Variants in GRID2 observed in about 807,000 individuals in gnomAD.
GRID2 encodes glutamate ionotropic receptor delta type subunit 2.
In GRID2, 33 loss-of-function variants were observed where a neutral mutation model predicts 114.8. The observed-to-expected ratio is 0.29, with a 90% CI of 0.22 to 0.38. GRID2 has a LOEUF of 0.38. GRID2 is among the 10% of genes least tolerant of loss of function. The pLI is 1.00. For missense variants in GRID2, 1,184 were observed against 1,257.7 expected (o/e 0.94, Z 0.89); for synonymous variants, 505 against 449.9 (o/e 1.12, Z -1.55).
At chr4:93,021,694 T>C (rs1723349297) in intron 2 of GRID2, among the ~76,000 whole-genome samples, 1 of 145,416 alleles carries the variant, frequency 6.9e-6, no homozygotes, top group Non-Finnish European at 1.5e-5. Context: ...TTATAATATG[T>C]ATATTATGAA....
intron 2 of GRID2, among the ~76,000 whole-genome samples, chr4:92,951,513 T>C (rs907950198): frequency 1.3e-5 from 2 of 151,974 alleles, no homozygotes; most frequent in Non-Finnish European, 2.9e-5. Context: ...GCTAATTTTT[T>C]TGTATTTTTT....
At chr4:93,514,959 G>C (rs909740950) in intron 12 of GRID2, among the ~76,000 whole-genome samples, 5 of 152,078 alleles carry the variant, frequency 3.3e-5, no homozygotes, top group African/African-American at 1.2e-4. Flanking sequence ...CACAAAGAAA[G>C]CATTGCATTA....
At chr4:93,695,440 G>A (rs76630260) in intron 14 of GRID2, among the ~76,000 whole-genome samples, 2,066 of 152,254 alleles carry the variant, frequency 0.014, 23 homozygotes, top group Non-Finnish European at 0.02. Context: ...GTCAGTGCAC[G>A]TTTCTTCTGT....
intron 4 of GRID2, among the ~76,000 whole-genome samples, chr4:93,190,735 A>T (rs1445885738): frequency 6.6e-6 from 1 of 152,100 alleles, no homozygotes; most frequent in Admixed American, 6.6e-5. Flanking sequence ...TTAGAGCTAG[A>T]TCATCCTTTA....
intron 13 of GRID2, among the ~76,000 whole-genome samples, chr4:93,544,073 A>G (rs182841418): frequency 2.6e-5 from 4 of 152,302 alleles, no homozygotes; most frequent in African/African-American, 9.6e-5. Context: ...TGCTAGACAC[A>G]TTTCAGAGGA....
At chr4:93,239,071 C>T (rs1028220449) in intron 8 of GRID2, among the ~76,000 whole-genome samples, 18 of 149,564 alleles carry the variant, frequency 1.2e-4, no homozygotes, top group African/African-American at 3.9e-4. Context: ...GAAATACAAA[C>T]GCCCTTATAT....
intron 2 of GRID2, among the ~76,000 whole-genome samples, chr4:92,890,907 T>C (rs1043684531): frequency 1.3e-5 from 2 of 152,134 alleles, no homozygotes; most frequent in African/African-American, 4.8e-5. Flanking sequence ...ATGTGGCACA[T>C]ATACACCATG....
rs540467647 is a variant in GRID2, at chr4:92,388,456, G to C, written c.88+83712G>C. Among the ~76,000 whole-genome samples the C allele has an allele frequency of 7.9e-5, 12 of 151,948 alleles. No individual in the cohort carries two copies. In the South Asian group the frequency reaches 2.3e-3, roughly 29 times the overall value. Reference sequence around the variant, plus strand: ...TGCCTCCTACACCTTGCCATGACTAGATCTTCTGAAGGTTAATGTAATTCC... The same window carrying C: ...TGCCTCCTACACCTTGCCATGACTACATCTTCTGAAGGTTAATGTAATTCC... On this transcript the variant is annotated intron_variant, in intron 1 of 15. Coordinates refer to ENST00000282020, the MANE Select transcript of GRID2 (RefSeq NM_001510.4).
At position 93,093,713 on chromosome 4, in the gene GRID2, G is replaced by A. The variant is rs540333489; in HGVS notation, c.529+8434G>A. Reference sequence around the variant, plus strand: ...CCAGGGCTGGATAGGTGCTATATCCGACAAAGCCATAGAAGTCTGAGTCCC... The same window carrying A: ...CCAGGGCTGGATAGGTGCTATATCCAACAAAGCCATAGAAGTCTGAGTCCC... On this transcript the variant is annotated intron_variant, in intron 3 of 15. Transcript: ENST00000282020. Among the ~76,000 whole-genome samples, 67 of 151,968 alleles carry A rather than the reference G, an allele frequency of 4.4e-4. 2 individuals are homozygous for A. In the Middle Eastern group the frequency reaches 0.027, roughly 62 times the overall value.
intron 2 of GRID2, among the ~76,000 whole-genome samples, chr4:92,938,899 A>AT (rs1266698722): frequency 6.8e-6 from 1 of 146,792 alleles, no homozygotes; most frequent in African/African-American, 2.4e-5. Flanking sequence ...TGAACTCATC[A>AT]TTTTTTATGG....
chr4:92,449,621 A>G (rs1365394495), intron 1 of GRID2, among the ~76,000 whole-genome samples: 1 of 144,448 alleles, frequency 6.9e-6, no homozygotes, highest in Non-Finnish European at 1.5e-5. Flanking sequence ...AATTTTACTA[A>G]TTATACTCAA....
At chr4:92,983,552 T>A (rs1754340723) in intron 2 of GRID2, among the ~76,000 whole-genome samples, 1 of 151,824 alleles carries the variant, frequency 6.6e-6, no homozygotes, top group Non-Finnish European at 1.5e-5. Context: ...TCAAATATTC[T>A]TTTATAAACA....
chr4:92,729,886 C>T (rs1418017086), intron 2 of GRID2, among the ~76,000 whole-genome samples: 1 of 151,738 alleles, frequency 6.6e-6, no homozygotes, highest in Non-Finnish European at 1.5e-5. Flanking sequence ...TGTACTAAAA[C>T]CTCAAAATTG....
chr4:92,809,640 A>G (rs1311011917), intron 2 of GRID2, among the ~76,000 whole-genome samples: 2 of 151,978 alleles, frequency 1.3e-5, no homozygotes, highest in African/African-American at 4.8e-5. Context: ...GAAAAATAGC[A>G]TGAATAATCT....
rs201335750 is a variant in GRID2, at chr4:92,868,706, A to AGTGT, written c.245-216268_245-216265dup. 5.6e-3 allele frequency among the ~76,000 whole-genome samples: 826 copies of AGTGT among 148,498 alleles called. 7 individuals carry two copies. Among genetic ancestry groups the AGTGT allele is most frequent in the African/African-American group, 0.018 (751 of 40,800 alleles). On this transcript the variant is annotated intron_variant, in intron 2 of 15. Coordinates refer to ENST00000282020, the MANE Select transcript of GRID2 (RefSeq NM_001510.4). ...AGCAGAGGAAAACTACATTTTATGT[A>AGTGT]GTGTGTGTGTGTGTGTGTGTGTGTA...
At chr4:92,357,333 A>T (rs181512798) in intron 1 of GRID2, among the ~76,000 whole-genome samples, 177 of 152,068 alleles carry the variant, frequency 1.2e-3, no homozygotes, top group South Asian at 2.1e-3. Context: ...GAGTTTAAGT[A>T]TACTAATAGC....
intron 2 of GRID2, among the ~76,000 whole-genome samples, chr4:92,733,369 A>G (rs1736424908): frequency 6.6e-6 from 1 of 152,064 alleles, no homozygotes; most frequent in African/African-American, 2.4e-5. Flanking sequence ...GAAGAGTCTC[A>G]CAGACTCTGT....
chr4:92,896,858 T>C (rs1747201087), intron 2 of GRID2, among the ~76,000 whole-genome samples: 1 of 152,180 alleles, frequency 6.6e-6, no homozygotes, highest in African/African-American at 2.4e-5. Flanking sequence ...TTCTTCTGCC[T>C]CAGCCTCCTG....
chr4:92,398,162 A>T (rs1730599206), intron 1 of GRID2, among the ~76,000 whole-genome samples: 1 of 152,214 alleles, frequency 6.6e-6, no homozygotes, highest in Non-Finnish European at 1.5e-5. Flanking sequence ...CAATAAAATC[A>T]TATGCAATTA....
Sources: allele counts gnomAD v4.1 joint callset (sites outside exome capture counted in the v4.1 genomes callset), GRCh38; gene constraint gnomAD v4.1.1; transcripts MANE v1.5; gene names NCBI Gene and HGNC (gene_info 2026-07-23, HGNC 2026-07-21).